Variants in ADAM22 observed in about 807,000 individuals in gnomAD.
ADAM22 encodes disintegrin and metalloproteinase domain-containing protein 22.
In ADAM22, 65 loss-of-function variants were observed where a neutral mutation model predicts 144.6. The ratio of observed to expected loss-of-function variants is 0.45; its 90% CI spans 0.37 to 0.55. ADAM22 has a LOEUF of 0.55. ADAM22 is among the 20% of genes least tolerant of loss of function. The pLI, the probability that ADAM22 is intolerant of heterozygous loss-of-function variation, is 0.00. For synonymous variants in ADAM22, 391 were observed against 412.6 expected, an observed-to-expected ratio of 0.95 and a Z score of 0.63; for missense variants, 974 against 1,184.9, an observed-to-expected ratio of 0.82 and a Z score of 2.61.
In ADAM22 at chr7:88,195,641, G is replaced by A. The variant is rs554614797; in HGVS notation, c.2875-830G>A. On this transcript the variant is annotated intron_variant, in intron 31 of 31. Coordinates refer to ENST00000413139, the MANE Select transcript of ADAM22 (RefSeq NM_001324418.2). The stretch of plus-strand genomic sequence containing the variant: ...CGCCATTCTCCTGCCTCAGCCTCCC[G>A]AGTAGCTGGGACTACAGGTGCCCGC... Among the ~76,000 whole-genome samples the A allele has an allele frequency of 6.6e-5, 10 of 152,036 alleles. 1 individual carries two copies. The East Asian group carries it at 1.5e-3, about 24-fold the overall frequency.
chr7:88,124,243 A>G (rs956704171), intron 7 of ADAM22, among the ~76,000 whole-genome samples: 1 of 151,372 alleles, frequency 6.6e-6, no homozygotes, highest in African/African-American at 2.4e-5. Context: ...GAATTTGTCT[A>G]TTTCTCCTTT....
At chr7:88,105,663 C>T (rs556181454) in intron 4 of ADAM22, among the ~76,000 whole-genome samples, 3 of 152,154 alleles carry the variant, frequency 2.0e-5, no homozygotes, top group Admixed American at 6.5e-5. Context: ...CTCACAGGTT[C>T]GAGGTTCAAC....
At chr7:88,099,673 A>G (rs1378704234) in intron 4 of ADAM22, among the ~76,000 whole-genome samples, 1 of 152,138 alleles carries the variant, frequency 6.6e-6, no homozygotes, top group Non-Finnish European at 1.5e-5. Flanking sequence ...TTACATTTTA[A>G]TCATTTAAAT....
At chr7:88,074,162 C>T (rs1439516501) in intron 3 of ADAM22, among the ~76,000 whole-genome samples, 2 of 152,110 alleles carry the variant, frequency 1.3e-5, no homozygotes, top group African/African-American at 2.4e-5. Context: ...TCAATTGTGT[C>T]GAAGCTGAAA....
rs1422386517 is a variant in ADAM22 at position 88,060,761 on chromosome 7, C to T, written c.324-14865C>T. Among the ~76,000 whole-genome samples, 4 of 134,654 alleles carry T rather than the reference C, an allele frequency of 3.0e-5. 1 individual carries two copies. The highest frequency in any genetic ancestry group is 4.7e-5 in the Non-Finnish European group (3 of 63,980). The allele number at this position is 134,654 out of a possible 152,430, so 88.3% of individuals were successfully genotyped here. On this transcript the variant is annotated intron_variant, in intron 3 of 31. Transcript: ENST00000413139. ...CACCCTGGGCGACAGAATGAGACTC[C>T]ATCTCAAAAAAAAAAAAAAACAAAA... is the stretch of plus-strand genomic sequence containing the variant.
intron 21 of ADAM22, among the ~76,000 whole-genome samples, chr7:88,153,785 C>T (rs1563341193): frequency 6.6e-6 from 1 of 152,182 alleles, no homozygotes; most frequent in South Asian, 2.1e-4. Context: ...CTTCCCTTTG[C>T]TTTGCCACCA....
intron 7 of ADAM22, among the ~76,000 whole-genome samples, chr7:88,118,323 A>C (rs1828326952): frequency 6.6e-6 from 1 of 152,208 alleles, no homozygotes; most frequent in South Asian, 2.1e-4. Flanking sequence ...AAGAGAAATG[A>C]ACATTCTCTC....
At chr7:88,116,712 C>A in intron 6 of ADAM22, 33 bp from the exon 7 acceptor site, 3 of 1,562,312 alleles carry the variant, frequency 1.9e-6, no homozygotes, top group Non-Finnish European at 2.6e-6. Context: ...TCCTGTTGTA[C>A]ATGCTTAATC....
chr7:87,982,109 A>ACG (rs67940577), intron 3 of ADAM22, among the ~76,000 whole-genome samples: 1 of 113,750 alleles, frequency 8.8e-6, no homozygotes, highest in Non-Finnish European at 1.6e-5. Flanking sequence ...ACACACACAC[A>ACG]TGCATACACA....
At chr7:88,149,168 C>T (rs1837582657) in intron 18 of ADAM22, 111 bp downstream of exon 18, 1 of 710,964 alleles carries the variant, frequency 1.4e-6, no homozygotes, top group Non-Finnish European at 2.4e-6. Flanking sequence ...GTCTCTTTCA[C>T]ATCATTTCTC....
intron 31 of ADAM22, among the ~76,000 whole-genome samples, chr7:88,194,409 T>G (rs1441609214): frequency 6.6e-6 from 1 of 152,168 alleles, no homozygotes; most frequent in Non-Finnish European, 1.5e-5. Flanking sequence ...ATTTGTTCTA[T>G]GCACTGTGGA....
chr7:88,065,641 A>G (rs756295557), intron 3 of ADAM22, among the ~76,000 whole-genome samples: 15 of 152,050 alleles, frequency 9.9e-5, no homozygotes, highest in Non-Finnish European at 1.9e-4. Context: ...TGTAGATGGT[A>G]TGACCACCTT....
At chr7:88,024,945 C>A (rs1393213972) in intron 3 of ADAM22, among the ~76,000 whole-genome samples, 1 of 152,102 alleles carries the variant, frequency 6.6e-6, no homozygotes, top group Admixed American at 6.5e-5. Context: ...TTAATCCAGT[C>A]TATCATTGTT....
chr7:87,966,720 C>CTT (rs1562873898), intron 2 of ADAM22, among the ~76,000 whole-genome samples: 3 of 30,170 alleles, frequency 9.9e-5, no homozygotes, highest in African/African-American at 1.8e-4. Context: ...CAAGGAAAGC[C>CTT]GTTTTTTTTT....
At chr7:87,978,459 A>T in intron 3 of ADAM22, 47 bp downstream of exon 3, 1 of 1,535,720 alleles carries the variant, frequency 6.5e-7, no homozygotes, top group Non-Finnish European at 8.9e-7. Context: ...CATTGAATCC[A>T]CTTTATTTTC....
At position 88,199,887 on chromosome 7, in the gene ADAM22, CT is replaced by C. The variant is rs1851047819; in HGVS notation, c.*3397del. 6.6e-6 allele frequency: 1 copy of C among 152,148 alleles called. No homozygotes were observed. The highest frequency in any genetic ancestry group is 1.5e-5 in the Non-Finnish European group (1 of 68,022). 9.4% of individuals were successfully genotyped at this position (152,148 alleles called of 1,614,324 possible). On this transcript the variant is annotated 3_prime_UTR_variant, in exon 32 of 32. Transcript: ENST00000413139. ...ATAAGGTCAGTCTGGCATAGAATTT[CT>C]GAAAGTAACATTAATAGGATTTCTA...
rs1851150392 is a variant in ADAM22, at chr7:88,200,800, A to T, written c.*4309A>T. Reference sequence around the variant, plus strand: ...CTCCTGAGATGTTTTTGAATGGATAAGACTACTCTGGTTTTGGATGCAGCA... The same window carrying T: ...CTCCTGAGATGTTTTTGAATGGATATGACTACTCTGGTTTTGGATGCAGCA... On this transcript the variant is annotated 3_prime_UTR_variant, in exon 32 of 32. Coordinates refer to ENST00000413139, the MANE Select transcript of ADAM22 (RefSeq NM_001324418.2). 6.6e-6 allele frequency: 1 copy of T among 152,290 alleles called. No individual in the cohort carries two copies. Among genetic ancestry groups the T allele is most frequent in the African/African-American group, 2.4e-5 (1 of 41,450 alleles). 9.4% of individuals were successfully genotyped at this position (152,290 alleles called of 1,614,324 possible).
rs1410875129 is a variant in ADAM22, at chr7:88,200,796, G to T, written c.*4305G>T. The T allele has an allele frequency of 6.6e-6, 1 of 152,280 alleles. No individual in the cohort carries two copies. Among genetic ancestry groups the T allele is most frequent in the Non-Finnish European group, 1.5e-5 (1 of 68,100 alleles). 9.4% of individuals were successfully genotyped at this position (152,280 alleles called of 1,614,324 possible). ...TTTCCTCCTGAGATGTTTTTGAATG[G>T]ATAAGACTACTCTGGTTTTGGATGC... On this transcript the variant is annotated 3_prime_UTR_variant, in exon 32 of 32. Transcript: ENST00000413139.
intron 20 of ADAM22, among the ~76,000 whole-genome samples, chr7:88,152,564 A>G (rs989272208): frequency 6.6e-6 from 1 of 152,230 alleles, no homozygotes; most frequent in African/African-American, 2.4e-5. Context: ...GATTAACAAA[A>G]TATGCTGAAT....
Sources: gnomAD v4.1 joint callset for allele counts (sites outside exome capture counted in the v4.1 genomes callset) on GRCh38, gnomAD v4.1.1 for gene constraint, MANE v1.5 for transcripts, NCBI Gene and HGNC (gene_info 2026-07-23, HGNC 2026-07-21) for gene names.